Variants in RPS6KC1 observed in about 807,000 individuals in gnomAD.
The protein encoded by RPS6KC1 is ribosomal protein S6 kinase C1, also known as inactive ribosomal protein S6 kinase delta-1.
Under a neutral mutation model 103.8 loss-of-function variants are expected in RPS6KC1, and 54 were observed. The observed-to-expected ratio is 0.52, with a 90% confidence interval of 0.42 to 0.65. RPS6KC1 has a LOEUF of 0.65. Among genes scored for constraint, RPS6KC1 ranks in the 30% least tolerant of loss-of-function variants. RPS6KC1 has a pLI of 0.00. For synonymous variants in RPS6KC1, 439 were observed against 438.7 expected (o/e 1.00, Z -0.01); for missense variants, 1,151 against 1,253.8 (o/e 0.92, Z 1.24).
chr1:213,495,984 TC>T, the RPS6KC1 span, among the ~76,000 whole-genome samples: 590 of 152,196 alleles, frequency 3.9e-3, 6 homozygotes, highest in African/African-American at 0.013. Context: ...TAAAAACCCT[TC>T]CTTGGGTCCT....
chr1:213,465,632 C>A, the RPS6KC1 span, among the ~76,000 whole-genome samples: 5 of 152,248 alleles, frequency 3.3e-5, no homozygotes, highest in African/African-American at 7.2e-5. Flanking sequence ...TAGATTAATT[C>A]TGGATGTTCA....
intron 8 of RPS6KC1, among the ~76,000 whole-genome samples, chr1:213,188,194 T>C (rs1026401884): frequency 6.6e-6 from 1 of 152,090 alleles, no homozygotes. Context: ...GCAGTCACGA[T>C]GCTTCCCATG....
At position 213,242,291 on chromosome 1, in the gene RPS6KC1, GATAGA is replaced by G. The variant is rs1297974443; in HGVS notation, c.2816_2820del (p.Asp939GlyfsTer9). 6.2e-7 allele frequency: 1 copy of G among 1,613,654 alleles called. No homozygotes were observed. Among genetic ancestry groups the G allele is most frequent in the East Asian group, 2.2e-5 (1 of 44,892 alleles). On this transcript the variant is annotated frameshift_variant and splice_region_variant, in exon 11 of 15. Coordinates refer to ENST00000366960, the MANE Select transcript of RPS6KC1 (RefSeq NM_012424.6). LOFTEE classifies it high-confidence loss of function. ...GAACCCAAACAACATCTTATTGAAT[GATAGA>G]GGTCAGGAACTTTTGCAAATGCATT...
intron 2 of RPS6KC1, among the ~76,000 whole-genome samples, chr1:213,076,054 A>G (rs1338062900): frequency 6.6e-6 from 1 of 152,002 alleles, no homozygotes; most frequent in Admixed American, 6.6e-5. Flanking sequence ...TAGACTGTGA[A>G]CTCTTTGAAG....
At chr1:213,517,382 C>T in the RPS6KC1 span, among the ~76,000 whole-genome samples, 4 of 152,106 alleles carry the variant, frequency 2.6e-5, no homozygotes, top group Admixed American at 2.6e-4. Context: ...ATAAATTTCC[C>T]TCTACACACT....
intron 4 of RPS6KC1, among the ~76,000 whole-genome samples, chr1:213,107,918 T>C (rs914838888): frequency 2.0e-5 from 3 of 152,214 alleles, no homozygotes; most frequent in African/African-American, 7.2e-5. Flanking sequence ...GCTTTTTTCA[T>C]ATATCTTTGG....
the RPS6KC1 span, among the ~76,000 whole-genome samples, chr1:213,542,119 T>G: frequency 6.6e-6 from 1 of 152,106 alleles, no homozygotes; most frequent in Non-Finnish European, 1.5e-5. Context: ...CTTATAAAAG[T>G]CTCCACATGA....
At chr1:213,493,082 A>G in the RPS6KC1 span, among the ~76,000 whole-genome samples, 1 of 152,248 alleles carries the variant, frequency 6.6e-6, no homozygotes, top group Non-Finnish European at 1.5e-5. Context: ...GTAGTCAGTC[A>G]CGTCCTGTAT....
At chr1:213,652,514 T>G in the RPS6KC1 span, among the ~76,000 whole-genome samples, 1 of 152,028 alleles carries the variant, frequency 6.6e-6, no homozygotes, top group African/African-American at 2.4e-5. Flanking sequence ...AGAGGTGGAG[T>G]CTGCTTTCTC....
chr1:213,228,266 G>T (rs2094006063), intron 8 of RPS6KC1, among the ~76,000 whole-genome samples: 2 of 152,200 alleles, frequency 1.3e-5, no homozygotes, highest in South Asian at 4.1e-4. Flanking sequence ...AGTGATAGCA[G>T]TAATAGCAAC....
the RPS6KC1 span, among the ~76,000 whole-genome samples, chr1:213,407,216 GCGCACACACACACA>G: frequency 1.1e-5 from 1 of 92,836 alleles, no homozygotes; most frequent in African/African-American, 2.8e-5. Context: ...ACATGCACGC[GCGCACACACACACA>G]CACACACACA....
the RPS6KC1 span, among the ~76,000 whole-genome samples, chr1:213,724,733 C>T: frequency 6.6e-6 from 1 of 152,240 alleles, no homozygotes; most frequent in African/African-American, 2.4e-5. Context: ...AAGACACCAT[C>T]TCTAAAAAAA....
chr1:213,551,863 C>T, the RPS6KC1 span, among the ~76,000 whole-genome samples: 2 of 152,326 alleles, frequency 1.3e-5, no homozygotes, highest in East Asian at 1.9e-4. Context: ...CTATTCATCC[C>T]TTTCTCCCAC....
At chr1:213,087,881 T>C (rs1449422976) in intron 3 of RPS6KC1, among the ~76,000 whole-genome samples, 1 of 152,150 alleles carries the variant, frequency 6.6e-6, no homozygotes, top group East Asian at 1.9e-4. Context: ...TTGTTCCCCC[T>C]CCCTGCCAAC....
chr1:213,573,686 T>A, the RPS6KC1 span, among the ~76,000 whole-genome samples: 1 of 152,266 alleles, frequency 6.6e-6, no homozygotes, highest in African/African-American at 2.4e-5. Context: ...AACCTATGGA[T>A]ATCAGAAATG....
chr1:213,220,352 A>G (rs2093799998), intron 8 of RPS6KC1, among the ~76,000 whole-genome samples: 1 of 152,168 alleles, frequency 6.6e-6, no homozygotes, highest in South Asian at 2.1e-4. Context: ...TTTGAAATGG[A>G]GTCTCGCTCT....
chr1:213,205,536 T>TATATATATATATATATATATATA (rs1553378413), intron 8 of RPS6KC1: 7 of 82,312 alleles, frequency 8.5e-5, no homozygotes, highest in Admixed American at 2.2e-4. Context: ...ACAAACTCAT[T>TATATATATATATATATATATATA]TATATATATA....
chr1:213,363,596 TGCTC>T, the RPS6KC1 span, among the ~76,000 whole-genome samples: 2,480 of 76,482 alleles, frequency 0.032, 489 homozygotes, highest in African/African-American at 0.19. Flanking sequence ...CTTTAGCCCT[TGCTC>T]GCTCGCTTGC....
chr1:213,188,118 T>G (rs903278335), intron 8 of RPS6KC1, among the ~76,000 whole-genome samples: 2 of 152,048 alleles, frequency 1.3e-5, no homozygotes, highest in Non-Finnish European at 2.9e-5. Flanking sequence ...CTTTCCAGGG[T>G]TGGGGGTGAT....
Sources: allele counts gnomAD v4.1 joint callset (sites outside exome capture counted in the v4.1 genomes callset), GRCh38; gene constraint gnomAD v4.1.1; transcripts MANE v1.5; gene names NCBI Gene and HGNC (gene_info 2026-07-23, HGNC 2026-07-21).